The following RECQL5 variants were observed in gnomAD, a reference collection of about 807,000 sequenced individuals.
The protein encoded by RECQL5 is RecQ like helicase 5.
Under a neutral mutation model 103.4 loss-of-function variants are expected in RECQL5, and 88 were observed. The observed-to-expected ratio is 0.85, with a 90% CI of 0.72 to 1.02. The LOEUF (loss-of-function observed/expected upper bound fraction) is 1.02. Among genes scored for constraint, RECQL5 ranks in the 50% least tolerant of loss-of-function variants. The probability of loss-of-function intolerance (pLI) is 0.00; values close to 1 mark genes in which losing one functional copy is unlikely to be tolerated. For synonymous variants in RECQL5, 552 were observed against 507.9 expected (o/e 1.09, Z -1.17); for missense variants, 1,232 against 1,284.3 (o/e 0.96, Z 0.62).
chr17:75,665,032 T>A lies in RECQL5; in HGVS notation c.252+19A>T. 15 of 1,538,372 alleles carry A rather than the reference T, an allele frequency of 9.8e-6. No homozygotes were observed. Among genetic ancestry groups the A allele is most frequent in the Non-Finnish European group, 1.3e-5 (15 of 1,148,472 alleles). On this transcript the variant is annotated intron_variant, in intron 3 of 19. Coordinates refer to ENST00000317905, the MANE Select transcript of RECQL5 (RefSeq NM_004259.7). Reference sequence around the variant, plus strand: ...CCCGAATCTTTTTGGGCTACCATCTTCATTGCCCTAAGCCTCACCTGAATC... The same window carrying A: ...CCCGAATCTTTTTGGGCTACCATCTACATTGCCCTAAGCCTCACCTGAATC...
At chr17:75,631,719 G>A in intron 8 of RECQL5, 51 bp from the exon 9 acceptor site, 1 of 1,582,674 alleles carries the variant, frequency 6.3e-7, no homozygotes, top group South Asian at 1.1e-5. Context: ...CAGTCGGCCA[G>A]CGTCTGTTCA....
intron 6 of RECQL5, 74 bp from the exon 7 acceptor site, chr17:75,658,534 T>C: frequency 1.4e-6 from 2 of 1,451,562 alleles, no homozygotes; most frequent in Admixed American, 3.6e-5. Context: ...TAATCATGAC[T>C]AGGAGAGCAG....
intron 6 of RECQL5, 48 bp from the exon 7 acceptor site, chr17:75,658,508 G>A: frequency 6.3e-7 from 1 of 1,583,074 alleles, no homozygotes; most frequent in Non-Finnish European, 8.6e-7. Context: ...GAGAAGCTGA[G>A]TGTCCTTTGG....
chr17:75,662,507 T>A lies in RECQL5; in HGVS notation c.743A>T (p.Lys248Met). 3 of 1,614,146 alleles carry A rather than the reference T, an allele frequency of 1.9e-6. No homozygotes were observed. The South Asian group carries it at 3.3e-5, about 18-fold the overall frequency. The change falls in exon 4 of 20, where the codon AAG (lysine) becomes ATG (methionine). Residue 248 changes from lysine to methionine, a missense_variant. Transcript: ENST00000317905. ...PYGNLKDFCLKALGQEADKGL... is the reference protein window; with the variant it reads ...PYGNLKDFCLMALGQEADKGL... ...TTTATCAGCCTCCTGTCCAAGAGCC[T>A]TAAGGCAGAAGTCCTTCAGGTTCCC...
chr17:75,633,404 C>T, intron 8 of RECQL5: 1 of 1,280,288 alleles, frequency 7.8e-7, no homozygotes, highest in Non-Finnish European at 1.0e-6. Flanking sequence ...CTCTGGAGCC[C>T]TGCCCTGACA....
chr17:75,629,088 C>A lies in RECQL5; in HGVS notation c.2335G>T (p.Ala779Ser), dbSNP rs556638061. ...GCACCTTCTGCCTCTGGGGCTGATGCCAGCAGAGCTGGGCTTTCCACCCTT... is the reference window on the plus strand; with the variant it reads ...GCACCTTCTGCCTCTGGGGCTGATGACAGCAGAGCTGGGCTTTCCACCCTT... ...CRRVESPALL[A>S]SAPEAEGACP... Residue 779 changes from alanine to serine, a missense_variant, in exon 16 of 20, where the codon GCA (alanine) becomes TCA (serine). By Grantham distance (99) the Ala-to-Ser change is moderately conservative. Transcript: ENST00000317905. 6.2e-7 allele frequency: 1 copy of A among 1,613,312 alleles called. No homozygotes were observed. The highest frequency in any genetic ancestry group is 2.2e-5 in the East Asian group (1 of 44,880).
intron 7 of RECQL5, among the ~76,000 whole-genome samples, chr17:75,658,047 C>CA (rs1416815928): frequency 2.0e-5 from 3 of 146,732 alleles, no homozygotes; most frequent in Admixed American, 1.4e-4. Flanking sequence ...GACTCTGTCT[C>CA]AAAAAAAAGA....
chr17:75,665,899 G>C (rs919971899), intron 2 of RECQL5, among the ~76,000 whole-genome samples: 6 of 152,114 alleles, frequency 3.9e-5, no homozygotes, highest in South Asian at 2.1e-4. Context: ...CCGTATCTCA[G>C]GTTTATAACA....
At chr17:75,650,858 A>T (rs1192900891) in intron 8 of RECQL5, 15 of 1,467,990 alleles carry the variant, frequency 1.0e-5, no homozygotes, top group Non-Finnish European at 1.3e-5. Flanking sequence ...TCGGTGGCAC[A>T]TGATGACCAC....
At chr17:75,666,725 A>C (rs1467047540) in intron 1 of RECQL5, 154 bp from the exon 2 acceptor site, 9 of 689,476 alleles carry the variant, frequency 1.3e-5, no homozygotes, top group Non-Finnish European at 2.2e-5. Context: ...GAACTGCCTC[A>C]AGCAATACAT....
Position 75,631,583 on chromosome 17 carries a change from C to T in RECQL5, c.1315G>A (p.Ala439Thr), listed in dbSNP as rs369338098. Residue 439 changes from alanine (A) to threonine (T), a missense_variant, in exon 9 of 20, where the codon GCC (alanine) becomes ACC (threonine). Physicochemically the swap from Ala to Thr is moderately conservative, Grantham distance 58. Transcript: ENST00000317905. ...KGCDHCQNPT[A>T]VRRRLEALER... The stretch of plus-strand genomic sequence containing the variant: ...AAGGCCTCCAGCCGCCTCCGCACGG[C>T]CGTGGGGTTCTGGCAGTGGTCGCAG... 9.3e-6 allele frequency: 15 copies of T among 1,613,020 alleles called. No homozygotes were observed. Among genetic ancestry groups the T allele is most frequent in the Non-Finnish European group, 1.3e-5 (15 of 1,179,922 alleles).
Position 75,647,452 on chromosome 17 carries a change from G to A in RECQL5, c.1229+3734C>T, listed in dbSNP as rs916037746. ...GAACCCCTGGGACCAGGGGGGCCTGGCAGTGATTATCTTATTCATCACCGC... is the reference window on the plus strand; with the variant it reads ...GAACCCCTGGGACCAGGGGGGCCTGACAGTGATTATCTTATTCATCACCGC... On this transcript the variant is annotated intron_variant, in intron 8 of 19. Coordinates refer to ENST00000317905, the MANE Select transcript of RECQL5 (RefSeq NM_004259.7). The A allele has an allele frequency of 5.4e-5, 84 of 1,550,152 alleles. No homozygotes were observed. In the East Asian group the frequency reaches 2.0e-3, roughly 37 times the overall value.
At chr17:75,649,871 G>A in intron 8 of RECQL5, 1 of 985,502 alleles carries the variant, frequency 1.0e-6, no homozygotes, top group African/African-American at 1.7e-5. Context: ...CTGGCAACCA[G>A]GCCACTGATG....
intron 5 of RECQL5, 47 bp from the exon 6 acceptor site, chr17:75,661,113 G>GTT: frequency 6.8e-7 from 1 of 1,465,236 alleles, no homozygotes. Context: ...TTTCCCTTGG[G>GTT]TTTACCGGGG....
Position 75,630,617 on chromosome 17 carries a change from A to G in RECQL5, c.1718+2T>C, listed in dbSNP as rs901945846. On this transcript the variant is annotated splice_donor_variant, in intron 13 of 19. Coordinates refer to ENST00000317905, the MANE Select transcript of RECQL5 (RefSeq NM_004259.7). LOFTEE classifies it high-confidence loss of function. Reference sequence around the variant, plus strand: ...CCTCAGCCCAGTGATCGTGGAACTCACTCATCAGCGGTACGTGTTGACTGG... The same window carrying G: ...CCTCAGCCCAGTGATCGTGGAACTCGCTCATCAGCGGTACGTGTTGACTGG... 4 of 1,613,466 alleles carry G rather than the reference A, an allele frequency of 2.5e-6. No homozygotes were observed. The highest frequency in any genetic ancestry group is 3.4e-6 in the Non-Finnish European group (4 of 1,179,732).
At chr17:75,660,041 A>T (rs892853926) in intron 6 of RECQL5, among the ~76,000 whole-genome samples, 1 of 152,080 alleles carries the variant, frequency 6.6e-6, no homozygotes, top group African/African-American at 2.4e-5. Flanking sequence ...TAATGATGGG[A>T]ATACATATTG....
chr17:75,648,094 T>A (rs962885134), intron 8 of RECQL5: 5 of 163,272 alleles, frequency 3.1e-5, no homozygotes, highest in African/African-American at 9.7e-5. Flanking sequence ...GCCCACCCCA[T>A]CCTGCCCTGC....
At chr17:75,627,579 C>T in intron 19 of RECQL5, 44 bp downstream of exon 19, 1 of 1,613,060 alleles carries the variant, frequency 6.2e-7, no homozygotes, top group Non-Finnish European at 8.5e-7. Flanking sequence ...CCCTGTAGAC[C>T]ACCCTCCCAA....
At chr17:75,634,185 C>T in intron 8 of RECQL5, 1 of 985,544 alleles carries the variant, frequency 1.0e-6, no homozygotes, top group Non-Finnish European at 1.2e-6. Context: ...GCTCAGCCCC[C>T]AACACCTGAG....
Sources: allele counts gnomAD v4.1 joint callset (sites outside exome capture counted in the v4.1 genomes callset), GRCh38; gene constraint gnomAD v4.1.1; transcripts MANE v1.5; gene names NCBI Gene and HGNC (gene_info 2026-07-23, HGNC 2026-07-21).